The following SCAPER variants were observed in gnomAD, a reference collection of about 807,000 sequenced individuals.
The protein encoded by SCAPER is S phase cyclin A-associated protein in the endoplasmic reticulum.
SCAPER carries 98 observed loss-of-function variants against 182.2 expected under a neutral mutation model. That is an observed-to-expected ratio of 0.54 (90% confidence interval 0.46 to 0.64). The LOEUF (loss-of-function observed/expected upper bound fraction) is 0.64. Ranked by LOEUF, SCAPER falls within the 30% of genes least tolerant of loss-of-function variation. The pLI, the probability that SCAPER is intolerant of heterozygous loss-of-function variation, is 0.00. For missense variants in SCAPER, 1,432 were observed against 1,690.0 expected, an observed-to-expected ratio of 0.85 and a Z score of 2.68; for synonymous variants, 605 against 564.6, an observed-to-expected ratio of 1.07 and a Z score of -1.01.
chr15:76,820,058 T>A (rs1221029128), intron 5 of SCAPER, among the ~76,000 whole-genome samples: 6 of 152,134 alleles, frequency 3.9e-5, no homozygotes, highest in South Asian at 2.1e-4. Flanking sequence ...CACACCAGTT[T>A]GAATGGTGAT....
At position 76,801,914 on chromosome 15, in the gene SCAPER, A is replaced by G. The variant is rs78364177; in HGVS notation, c.495-1550T>C. ...AAAGAGTAAGACTCTGTCTCCAAGG[A>G]AAAAAAAAAAAGGGATGCCTCAGGT... On this transcript the variant is annotated intron_variant, in intron 6 of 31. Coordinates refer to ENST00000563290, the MANE Select transcript of SCAPER (RefSeq NM_020843.4). Among the ~76,000 whole-genome samples, 5 of 142,450 alleles carry G rather than the reference A, an allele frequency of 3.5e-5. No homozygotes were observed. In the East Asian group the frequency reaches 8.5e-4, roughly 24 times the overall value. The allele number at this position is 142,450 out of a possible 152,430, so 93.5% of individuals were successfully genotyped here.
chr15:76,618,582 A>C (rs1170817902), intron 22 of SCAPER, among the ~76,000 whole-genome samples: 2 of 151,720 alleles, frequency 1.3e-5, no homozygotes, highest in South Asian at 2.1e-4. Flanking sequence ...ATCTCTTGTT[A>C]GCTTTTTTTT....
intron 24 of SCAPER, among the ~76,000 whole-genome samples, chr15:76,486,822 C>T (rs1460107122): frequency 2.0e-5 from 3 of 152,174 alleles, no homozygotes; most frequent in African/African-American, 4.8e-5. Context: ...AACATTCAAC[C>T]CAGCAGTCCC....
intron 5 of SCAPER, among the ~76,000 whole-genome samples, chr15:76,818,001 AT>A (rs1164913452): frequency 6.6e-6 from 1 of 152,196 alleles, no homozygotes; most frequent in Admixed American, 6.5e-5. Context: ...AGCCAATACA[AT>A]TTTGAAGAAC....
At chr15:76,518,178 G>A (rs117873431) in intron 23 of SCAPER, among the ~76,000 whole-genome samples, 2,219 of 152,238 alleles carry the variant, frequency 0.015, 21 homozygotes, top group Non-Finnish European at 0.023. Context: ...GGTGGCCCAA[G>A]ATGGGCTCCC....
At chr15:76,497,013 C>A (rs1380527330) in intron 24 of SCAPER, among the ~76,000 whole-genome samples, 1 of 151,680 alleles carries the variant, frequency 6.6e-6, no homozygotes, top group Admixed American at 6.6e-5. Flanking sequence ...AAATGAACAA[C>A]CATACCTCAA....
chr15:76,831,469 T>G (rs2151715439), intron 5 of SCAPER, among the ~76,000 whole-genome samples: 1 of 151,288 alleles, frequency 6.6e-6, no homozygotes, highest in Admixed American at 6.6e-5. Context: ...TCAGCATGCA[T>G]GTGCATGAGG....
intron 15 of SCAPER, among the ~76,000 whole-genome samples, chr15:76,734,131 T>C (rs1048293214): frequency 2.0e-5 from 3 of 152,222 alleles, no homozygotes; most frequent in African/African-American, 7.2e-5. Context: ...AAATTACTTT[T>C]CTTCAACATA....
intron 8 of SCAPER, among the ~76,000 whole-genome samples, chr15:76,793,862 T>C (rs914756763): frequency 6.6e-6 from 1 of 152,184 alleles, no homozygotes; most frequent in Non-Finnish European, 1.5e-5. Context: ...GGCAGTCTTG[T>C]GGGGTTGAGC....
intron 17 of SCAPER, among the ~76,000 whole-genome samples, chr15:76,710,139 T>C (rs2059484243): frequency 6.6e-6 from 1 of 152,044 alleles, no homozygotes; most frequent in Non-Finnish European, 1.5e-5. Context: ...CCATTGAACA[T>C]TACATAGAAG....
intron 5 of SCAPER, among the ~76,000 whole-genome samples, chr15:76,818,706 G>C (rs1242842141): frequency 1.3e-5 from 2 of 152,256 alleles, no homozygotes; most frequent in African/African-American, 4.8e-5. Context: ...TGAGGTACCA[G>C]GTTCATCTCA....
chr15:76,528,430 A>C (rs1374649847), intron 23 of SCAPER, among the ~76,000 whole-genome samples: 1 of 152,174 alleles, frequency 6.6e-6, no homozygotes, highest in Non-Finnish European at 1.5e-5. Flanking sequence ...GATGTCCCAT[A>C]AGCACATCAA....
At chr15:76,557,484 A>G (rs531793891) in intron 23 of SCAPER, among the ~76,000 whole-genome samples, 10 of 152,176 alleles carry the variant, frequency 6.6e-5, no homozygotes, top group Admixed American at 1.3e-4. Context: ...TGGGCTTCTT[A>G]TGAATGGTTT....
chr15:76,811,819 T>A (rs1294469144), intron 5 of SCAPER, among the ~76,000 whole-genome samples: 4 of 148,766 alleles, frequency 2.7e-5, no homozygotes, highest in African/African-American at 4.9e-5. Context: ...ATAAAAAAAA[T>A]AAAATAAAAA....
chr15:76,396,025 CAG>C (rs2044027014), intron 27 of SCAPER, among the ~76,000 whole-genome samples: 3 of 152,110 alleles, frequency 2.0e-5, no homozygotes, highest in African/African-American at 7.2e-5. Flanking sequence ...TGGTGAGAGA[CAG>C]GGGTCTAGTT....
chr15:76,390,583 C>A (rs1256589507), intron 27 of SCAPER, among the ~76,000 whole-genome samples: 2 of 152,178 alleles, frequency 1.3e-5, no homozygotes, highest in African/African-American at 4.8e-5. Flanking sequence ...CTCTGGGTGA[C>A]TGACAACAAG....
intron 23 of SCAPER, among the ~76,000 whole-genome samples, chr15:76,506,137 G>A (rs568830340): frequency 3.1e-3 from 475 of 152,144 alleles, no homozygotes; most frequent in African/African-American, 0.011. Context: ...GGAAGGAAGT[G>A]AGGGTAGTTA....
chr15:76,839,545 AG>A (rs1354401571), intron 5 of SCAPER, among the ~76,000 whole-genome samples: 1 of 152,242 alleles, frequency 6.6e-6, no homozygotes, highest in African/African-American at 2.4e-5. Context: ...TTGGATGAGG[AG>A]AAGAGTAGAA....
rs373143210 is a variant in SCAPER, at chr15:76,374,543, C to T, written c.3855+1619G>A. 1.4e-3 allele frequency among the ~76,000 whole-genome samples: 203 copies of T among 146,798 alleles called. 3 individuals are homozygous for T. In the East Asian group the frequency reaches 0.036, roughly 26 times the overall value. On this transcript the variant is annotated intron_variant, in intron 29 of 31. Coordinates refer to ENST00000563290, the MANE Select transcript of SCAPER (RefSeq NM_020843.4). ...CGTTTCCCAGGCTGGAGAGCAATGG[C>T]GCGATCTCGGCTCATCGCAACCTCT...
Sources: allele counts gnomAD v4.1 joint callset (sites outside exome capture counted in the v4.1 genomes callset), GRCh38; gene constraint gnomAD v4.1.1; transcripts MANE v1.5; gene names NCBI Gene and HGNC (gene_info 2026-07-23, HGNC 2026-07-21).